Variants in NDUFAF5 observed in about 807,000 individuals in gnomAD.
The protein encoded by NDUFAF5 is NADH:ubiquinone oxidoreductase complex assembly factor 5.
In NDUFAF5, 34 loss-of-function variants were observed where a neutral mutation model predicts 48.9. The observed-to-expected ratio is 0.70, with a 90% CI of 0.53 to 0.93. NDUFAF5 has a LOEUF of 0.93. NDUFAF5 is among the 40% of genes least tolerant of loss of function. NDUFAF5 has a pLI of 0.00. For synonymous variants in NDUFAF5, 153 were observed against 150.6 expected (o/e 1.02, Z -0.12); for missense variants, 428 against 427.5 (o/e 1.00, Z -0.01).
intron 5 of NDUFAF5, 97 bp downstream of exon 5, chr20:13,795,038 A>G (rs1303194585): frequency 4.9e-6 from 4 of 812,190 alleles, no homozygotes; most frequent in Non-Finnish European, 8.3e-6. Context: ...CACGCCTGTA[A>G]TGCTAGCACT....
Position 13,789,900 on chromosome 20 carries a change from GT to G in NDUFAF5, c.327+1249del, listed in dbSNP as rs575153263. On this transcript the variant is annotated intron_variant, in intron 3 of 10. Transcript: ENST00000378106. Reference sequence around the variant, plus strand: ...GGTAATAGTAAATGCCATAGAAATGGTGCAGTCATTAAAGTGCAACAGGAAT... The same window carrying G: ...GGTAATAGTAAATGCCATAGAAATGGGCAGTCATTAAAGTGCAACAGGAAT... 6.2e-4 allele frequency among the ~76,000 whole-genome samples: 95 copies of G among 152,294 alleles called. 1 individual carries two copies. Among genetic ancestry groups the G allele is most frequent in the African/African-American group, 2.1e-3 (88 of 41,558 alleles).
At chr20:13,800,207 C>T (rs1394434398) in intron 6 of NDUFAF5, among the ~76,000 whole-genome samples, 12 of 151,850 alleles carry the variant, frequency 7.9e-5, no homozygotes, top group African/African-American at 2.4e-4. Flanking sequence ...TGAGGGAGAG[C>T]GGGGAGCTGC....
At chr20:13,795,546 C>T (rs1652006920) in intron 5 of NDUFAF5, among the ~76,000 whole-genome samples, 2 of 152,164 alleles carry the variant, frequency 1.3e-5, no homozygotes, top group African/African-American at 2.4e-5. Context: ...TGGCCAGGTA[C>T]AGTGGCTCTC....
In NDUFAF5 at chr20:13,801,658, G is replaced by A. The variant is rs764720865; in HGVS notation, c.692G>A (p.Arg231Lys). 6.2e-7 allele frequency: 1 copy of A among 1,613,962 alleles called. No individual in the cohort carries two copies. The highest frequency in any genetic ancestry group is 8.5e-7 in the Non-Finnish European group (1 of 1,179,978). Residue 231 changes from arginine to lysine, a missense_variant, in exon 7 of 11, where the codon AGA becomes AAA. Physicochemically the swap from Arg to Lys is conservative, Grantham distance 26. Coordinates refer to ENST00000378106, the MANE Select transcript of NDUFAF5 (RefSeq NM_024120.5). ...AVNDLGHLLG[R>K]AGFNTLTVDT... ...AATGACCTGGGACATCTGCTTGGGA[G>A]AGCTGGCTTTAATACTCTGACTGTG...
intron 7 of NDUFAF5, among the ~76,000 whole-genome samples, chr20:13,802,266 C>T (rs994445066): frequency 1.3e-5 from 2 of 152,152 alleles, no homozygotes; most frequent in African/African-American, 2.4e-5. Flanking sequence ...CGGGGTAGGA[C>T]AGTAGGACTT....
chr20:13,792,943 T>C (rs1463175963), intron 3 of NDUFAF5, among the ~76,000 whole-genome samples: 1 of 152,218 alleles, frequency 6.6e-6, no homozygotes, highest in Non-Finnish European at 1.5e-5. Flanking sequence ...CCTCACCCAG[T>C]GTAGTAAATT....
At chr20:13,808,150 T>C (rs934518429) in intron 7 of NDUFAF5, among the ~76,000 whole-genome samples, 2 of 152,164 alleles carry the variant, frequency 1.3e-5, no homozygotes, top group Admixed American at 6.5e-5. Flanking sequence ...AGAGATGGCC[T>C]GGAAAAGGCT....
chr20:13,807,948 TAAAAA>T (rs11349642), intron 7 of NDUFAF5, among the ~76,000 whole-genome samples: 1 of 148,100 alleles, frequency 6.8e-6, no homozygotes, highest in Non-Finnish European at 1.5e-5. Flanking sequence ...GAATCCGTCT[TAAAAA>T]AAAAAAAAAT....
intron 3 of NDUFAF5, among the ~76,000 whole-genome samples, chr20:13,792,960 G>A (rs373797766): frequency 9.8e-5 from 15 of 152,308 alleles, no homozygotes; most frequent in Non-Finnish European, 1.9e-4. Flanking sequence ...AATTCGGAAT[G>A]TTGAATACGC....
intron 5 of NDUFAF5, among the ~76,000 whole-genome samples, chr20:13,795,640 G>T (rs1290044548): frequency 2.6e-5 from 4 of 152,098 alleles, no homozygotes; most frequent in Admixed American, 2.0e-4. Flanking sequence ...GCAACATAAT[G>T]AAATGCCATC....
At chr20:13,805,368 A>G (rs111793771) in intron 7 of NDUFAF5, among the ~76,000 whole-genome samples, 6 of 152,330 alleles carry the variant, frequency 3.9e-5, no homozygotes, top group African/African-American at 9.6e-5. Flanking sequence ...TTTTAGAAAG[A>G]TTTCTACTAA....
intron 3 of NDUFAF5, among the ~76,000 whole-genome samples, chr20:13,789,135 G>A (rs1014160577): frequency 6.6e-6 from 1 of 152,098 alleles, no homozygotes; most frequent in African/African-American, 2.4e-5. Flanking sequence ...CTATCTATAC[G>A]ATATTGTGCT....
At chr20:13,797,316 C>T (rs1221971972) in intron 5 of NDUFAF5, among the ~76,000 whole-genome samples, 2 of 152,188 alleles carry the variant, frequency 1.3e-5, no homozygotes, top group Non-Finnish European at 2.9e-5. Context: ...TAGCCTTATT[C>T]ATAATTGCCA....
chr20:13,812,600 A>G (rs1025285715), intron 8 of NDUFAF5, among the ~76,000 whole-genome samples: 25 of 152,346 alleles, frequency 1.6e-4, no homozygotes, highest in Middle Eastern at 3.4e-3. Flanking sequence ...ACTGATTTCA[A>G]CATATGAGCA....
At chr20:13,798,874 G>A (rs1983669077) in intron 6 of NDUFAF5, among the ~76,000 whole-genome samples, 1 of 152,170 alleles carries the variant, frequency 6.6e-6, no homozygotes. Context: ...TATACTCAGA[G>A]AGTGCTAGGT....
At position 13,794,885 on chromosome 20, in the gene NDUFAF5, T is replaced by A. The variant is rs2147516207; in HGVS notation, c.423T>A (p.Asp141Glu). 5 of 1,613,918 alleles carry A rather than the reference T, an allele frequency of 3.1e-6. No homozygotes were observed. The East Asian group carries it at 1.1e-4, about 36-fold the overall frequency. The change falls in exon 5 of 11, where the codon GAT becomes GAA. Residue 141 changes from aspartate (D) to glutamate (E), a missense_variant. Physicochemically the swap from Asp to Glu is conservative, Grantham distance 45. Transcript: ENST00000378106. ...TACCTACTGTCAGCGTTTTAGCTGA[T>A]GAAGAATTCCTTCCCTTCAAAGAAA... ...TEIPTVSVLA[D>E]EEFLPFKENT...
chr20:13,795,366 A>G (rs1248602305), intron 5 of NDUFAF5, among the ~76,000 whole-genome samples: 1 of 151,884 alleles, frequency 6.6e-6, no homozygotes, highest in African/African-American at 2.4e-5. Flanking sequence ...AAGTTGGGGG[A>G]AAAAAAAGTT....
intron 5 of NDUFAF5, among the ~76,000 whole-genome samples, chr20:13,795,894 T>G (rs1427289838): frequency 1.3e-5 from 2 of 152,162 alleles, no homozygotes; most frequent in Non-Finnish European, 2.9e-5. Context: ...ACTATCTTCC[T>G]CCACATATGT....
At chr20:13,802,671 C>A (rs1462990010) in intron 7 of NDUFAF5, among the ~76,000 whole-genome samples, 454 of 102,746 alleles carry the variant, frequency 4.4e-3, no homozygotes, top group East Asian at 6.2e-3. Context: ...ATTCCCGTCT[C>A]AAAAAAAAAA....
Sources: allele counts gnomAD v4.1 joint callset (sites outside exome capture counted in the v4.1 genomes callset), GRCh38; gene constraint gnomAD v4.1.1; transcripts MANE v1.5; gene names NCBI Gene and HGNC (gene_info 2026-07-23, HGNC 2026-07-21).